The following FBXL20 variants were observed in gnomAD, a reference collection of about 807,000 sequenced individuals.
The protein encoded by FBXL20 is F-box and leucine rich repeat protein 20, also known as F-box/LRR-repeat protein 20.
FBXL20 carries 11 observed loss-of-function variants against 64.0 expected under a neutral mutation model. The ratio of observed to expected loss-of-function variants is 0.17; its 90% CI spans 0.11 to 0.28. FBXL20 has a LOEUF of 0.28. Among genes scored for constraint, FBXL20 ranks in the 10% least tolerant of loss-of-function variants. The probability of loss-of-function intolerance (pLI) is 1.00; values close to 1 mark genes in which losing one functional copy is unlikely to be tolerated. For synonymous variants in FBXL20, 184 were observed against 189.0 expected (o/e 0.97, Z 0.22); for missense variants, 303 against 526.2 (o/e 0.58, Z 4.15).
intron 2 of FBXL20, among the ~76,000 whole-genome samples, chr17:39,332,463 C>T (rs2047470542): frequency 6.6e-6 from 1 of 152,006 alleles, no homozygotes; most frequent in Non-Finnish European, 1.5e-5. Flanking sequence ...GGAAAGGACC[C>T]TCGGAAGCTT....
rs2046710228 is a variant in FBXL20 at position 39,258,009 on chromosome 17, C to T, written c.*3451G>A. On this transcript the variant is annotated 3_prime_UTR_variant, in exon 15 of 15. Transcript: ENST00000264658. The stretch of plus-strand genomic sequence containing the variant: ...AAGAGATGATTTGGATGTTCAAGAA[C>T]TTTCTCCAGAGACACTACAGTAATT... The T allele has an allele frequency of 6.6e-6, 1 of 152,352 alleles. No individual in the cohort carries two copies. Among genetic ancestry groups the T allele is most frequent in the African/African-American group, 2.4e-5 (1 of 41,442 alleles). 9.4% of individuals were successfully genotyped at this position (152,352 alleles called of 1,614,324 possible).
At chr17:39,305,897 G>A (rs2047177556) in intron 2 of FBXL20, among the ~76,000 whole-genome samples, 1 of 151,868 alleles carries the variant, frequency 6.6e-6, no homozygotes, top group African/African-American at 2.4e-5. Context: ...TGAGACAGAA[G>A]AATCGCTTGA....
In FBXL20 at chr17:39,355,618, G is replaced by A. The variant is rs1028015018; in HGVS notation, c.43-12377C>T. Among the ~76,000 whole-genome samples the A allele has an allele frequency of 2.0e-5, 3 of 151,288 alleles. No homozygotes were observed. The East Asian group carries it at 5.9e-4, about 30-fold the overall frequency. ...CGCCTGTAATCCCAGCACTTTGGGA[G>A]GCCAAGGCGGGCGGATCACCTGAGG... On this transcript the variant is annotated intron_variant, in intron 1 of 14. Transcript: ENST00000264658.
At chr17:39,336,427 G>A (rs1462113740) in intron 2 of FBXL20, among the ~76,000 whole-genome samples, 1 of 152,028 alleles carries the variant, frequency 6.6e-6, no homozygotes, top group Admixed American at 6.6e-5. Flanking sequence ...AAGCAGTGAG[G>A]GTAACAATAT....
At chr17:39,335,978 A>C (rs1256788392) in intron 2 of FBXL20, among the ~76,000 whole-genome samples, 4 of 152,132 alleles carry the variant, frequency 2.6e-5, no homozygotes, top group Admixed American at 1.3e-4. Flanking sequence ...CCATCTCTAC[A>C]AAAGAAAACA....
intron 1 of FBXL20, among the ~76,000 whole-genome samples, chr17:39,376,100 C>G (rs547197223): frequency 1.3e-5 from 2 of 152,004 alleles, no homozygotes; most frequent in African/African-American, 4.8e-5. Context: ...GCCTGGGCGA[C>G]AGTGTGAGAC....
intron 2 of FBXL20, among the ~76,000 whole-genome samples, chr17:39,340,298 T>C (rs1016541059): frequency 5.9e-5 from 9 of 152,228 alleles, no homozygotes; most frequent in African/African-American, 2.2e-4. Flanking sequence ...GGTTTCACCA[T>C]GTTGGCCAGG....
intron 4 of FBXL20, among the ~76,000 whole-genome samples, chr17:39,300,493 G>A (rs1355468952): frequency 6.6e-6 from 1 of 152,014 alleles, no homozygotes; most frequent in Non-Finnish European, 1.5e-5. Flanking sequence ...TAAAACATGG[G>A]GCAAAAAGTG....
chr17:39,308,163 A>T (rs1182450656), intron 2 of FBXL20, among the ~76,000 whole-genome samples: 1 of 151,242 alleles, frequency 6.6e-6, no homozygotes, highest in Non-Finnish European at 1.5e-5. Context: ...TTTTTCCTAA[A>T]GACAGGGTTT....
chr17:39,280,654 G>GGGGTTT (rs752355222), intron 9 of FBXL20, among the ~76,000 whole-genome samples: 6,564 of 152,200 alleles, frequency 0.043, 164 homozygotes, highest in Non-Finnish European at 0.065. Flanking sequence ...AATTATCTGA[G>GGGGTTT]TAGAATTCAG....
At chr17:39,351,073 G>A (rs894329737) in intron 1 of FBXL20, among the ~76,000 whole-genome samples, 2 of 152,004 alleles carry the variant, frequency 1.3e-5, no homozygotes, top group African/African-American at 2.4e-5. Context: ...AGTGGCTCAC[G>A]CCTGTAATCC....
chr17:39,348,973 C>T (rs561463323), intron 1 of FBXL20, among the ~76,000 whole-genome samples: 136 of 152,000 alleles, frequency 8.9e-4, no homozygotes, highest in Middle Eastern at 6.8e-3. Context: ...GGGATTAGGC[C>T]GGGCACAGCA....
chr17:39,327,956 T>C (rs942640773), intron 2 of FBXL20, among the ~76,000 whole-genome samples: 3 of 152,094 alleles, frequency 2.0e-5, no homozygotes, highest in Non-Finnish European at 4.4e-5. Flanking sequence ...ATAAAGACTG[T>C]ATAGTTTCTG....
Position 39,401,500 on chromosome 17 carries a change from G to A in FBXL20, c.-98C>T, listed in dbSNP as rs2048244408. The A allele has an allele frequency of 1.3e-6, 2 of 1,501,992 alleles. No homozygotes were observed. Among genetic ancestry groups the A allele is most frequent in the African/African-American group, 1.4e-5 (1 of 70,264 alleles). 93.0% of individuals were successfully genotyped at this position (1,501,992 alleles called of 1,614,324 possible). A position where few individuals can be genotyped will look rare whatever the true frequency, so the allele number is the denominator to read the frequency against. Reference sequence around the variant, plus strand: ...CCGGGAGTTCCGGGACGGGGACTGGGCGCCGGAGGGGTGACGCCGGGACCG... The same window carrying A: ...CCGGGAGTTCCGGGACGGGGACTGGACGCCGGAGGGGTGACGCCGGGACCG... On this transcript the variant is annotated 5_prime_UTR_variant, in exon 1 of 15. Transcript: ENST00000264658.
At chr17:39,264,460 T>A in intron 13 of FBXL20, 73 bp from the exon 14 acceptor site, 1 of 1,522,658 alleles carries the variant, frequency 6.6e-7, no homozygotes. Context: ...CTTGTGTGAA[T>A]TGGAAAGGAG....
intron 2 of FBXL20, among the ~76,000 whole-genome samples, chr17:39,335,263 C>A (rs1236961976): frequency 1.3e-5 from 2 of 151,974 alleles, no homozygotes; most frequent in African/African-American, 4.8e-5. Context: ...CTACCCCCAC[C>A]CCACGAAATG....
chr17:39,316,148 T>C (rs551716269), intron 2 of FBXL20, among the ~76,000 whole-genome samples: 1 of 152,242 alleles, frequency 6.6e-6, no homozygotes, highest in African/African-American at 2.4e-5. Flanking sequence ...GATGTGAATC[T>C]GGAAAGGGAG....
intron 2 of FBXL20, among the ~76,000 whole-genome samples, chr17:39,339,981 C>G (rs555082861): frequency 6.6e-6 from 1 of 151,698 alleles, no homozygotes; most frequent in Admixed American, 6.6e-5. Context: ...CTTTGTCGCC[C>G]AGGCTGAAGC....
In FBXL20 at chr17:39,265,399, A is replaced by G; in HGVS notation, c.988T>C (p.Leu330=). Residue 330 remains leucine, a splice_region_variant and synonymous_variant, in exon 13 of 15, where the codon TTG becomes CTG. Coordinates refer to ENST00000264658, the MANE Select transcript of FBXL20 (RefSeq NM_032875.3). ...LSIHCPRLQV[L]SLSHCELITD... is the part of the protein sequence containing the mutation. ...AAAGTTTTCAAAGTTAAACTCACCA[A>G]TACTTGAAGTCGAGGACAGTGTATA... The G allele has an allele frequency of 6.2e-7, 1 of 1,608,702 alleles. No individual in the cohort carries two copies.
Sources: allele counts gnomAD v4.1 joint callset (sites outside exome capture counted in the v4.1 genomes callset), GRCh38; gene constraint gnomAD v4.1.1; transcripts MANE v1.5; gene names NCBI Gene and HGNC (gene_info 2026-07-23, HGNC 2026-07-21).